CD9: variants seen among roughly 807,000 people sequenced by gnomAD.
CD9 encodes CD9 molecule, also known as CD9 antigen.
Under a neutral mutation model 31.4 loss-of-function variants are expected in CD9, and 10 were observed. That is an observed-to-expected ratio of 0.32 (90% CI 0.20 to 0.54). CD9 has a LOEUF of 0.54. Ranked by LOEUF, CD9 falls within the 20% of genes least tolerant of loss-of-function variation. The probability of loss-of-function intolerance (pLI) is 0.94; values close to 1 mark genes in which losing one functional copy is unlikely to be tolerated. For synonymous variants in CD9, 113 were observed against 114.1 expected (o/e 0.99, Z 0.06); for missense variants, 259 against 300.1 (o/e 0.86, Z 1.01).
chr12:6,204,318 C>T (rs946808793), intron 1 of CD9, among the ~76,000 whole-genome samples: 13 of 152,156 alleles, frequency 8.5e-5, no homozygotes, highest in African/African-American at 3.1e-4. Flanking sequence ...TGGTGATGGT[C>T]ACATTAAAAG....
intron 1 of CD9, among the ~76,000 whole-genome samples, chr12:6,224,220 TA>T (rs1946332545): frequency 6.6e-6 from 1 of 152,122 alleles, no homozygotes; most frequent in Admixed American, 6.5e-5. Context: ...TAGCCATACC[TA>T]AAAGGCAGGG....
intron 4 of CD9, among the ~76,000 whole-genome samples, chr12:6,234,153 G>T (rs1946486592): frequency 6.6e-6 from 1 of 151,734 alleles, no homozygotes; most frequent in Non-Finnish European, 1.5e-5. Context: ...GGAGGCAGGG[G>T]ACTTCCAGTC....
chr12:6,229,592 A>C (rs113922334), intron 2 of CD9, among the ~76,000 whole-genome samples: 12 of 152,132 alleles, frequency 7.9e-5, no homozygotes, highest in African/African-American at 2.4e-4. Flanking sequence ...AGTTATTTGG[A>C]TATAATAAAC....
chr12:6,203,949 G>A (rs1946101718), intron 1 of CD9, among the ~76,000 whole-genome samples: 1 of 152,098 alleles, frequency 6.6e-6, no homozygotes, highest in African/African-American at 2.4e-5. Context: ...TGTCTCTCAT[G>A]CCTCGCTCAC....
chr12:6,205,343 C>G (rs1308117071), intron 1 of CD9, among the ~76,000 whole-genome samples: 1 of 152,226 alleles, frequency 6.6e-6, no homozygotes, highest in Non-Finnish European at 1.5e-5. Context: ...CGCTCACACT[C>G]ACGTTCTCTA....
rs563191450 is a variant in CD9 at position 6,219,226 on chromosome 12, A to G, written c.67-6200A>G. Among the ~76,000 whole-genome samples the G allele has an allele frequency of 7.2e-4, 109 of 151,524 alleles. 1 individual carries two copies. Among genetic ancestry groups the G allele is most frequent in the African/African-American group, 2.4e-3 (100 of 41,312 alleles). ...TCACCATGTTGGCCAGGCTGGTCTCAAACTCCTGACCTCAAGTGATCCGCC... is the reference window on the plus strand; with the variant it reads ...TCACCATGTTGGCCAGGCTGGTCTCGAACTCCTGACCTCAAGTGATCCGCC... On this transcript the variant is annotated intron_variant, in intron 1 of 7. Coordinates refer to ENST00000009180, the MANE Select transcript of CD9 (RefSeq NM_001769.4).
rs1946355882 is a variant in CD9, at chr12:6,225,669, C to G, written c.175+135C>G. 4.9e-6 allele frequency: 3 copies of G among 612,488 alleles called. No individual in the cohort carries two copies. The South Asian group carries it at 5.8e-5, about 12-fold the overall frequency. 37.9% of individuals were successfully genotyped at this position (612,488 alleles called of 1,614,324 possible). On this transcript the variant is annotated intron_variant, in intron 2 of 7. Transcript: ENST00000009180. The stretch of plus-strand genomic sequence containing the variant: ...CTCTAGCCACGCTGGCCAGTCGTGT[C>G]CCTTTCAAGTTGTGCAGTTTTTGTG...
intron 2 of CD9, among the ~76,000 whole-genome samples, chr12:6,230,927 T>G (rs11568288): frequency 2.5e-3 from 386 of 152,348 alleles, no homozygotes; most frequent in Non-Finnish European, 3.3e-3. Flanking sequence ...AAACGCTCTC[T>G]GTGTGCATTC....
chr12:6,237,814 C>A lies in CD9; in HGVS notation c.673C>A (p.Arg225Ser). ...CTTGTGCTGTGCTATCCGCAGGAAC[C>A]GCGAGATGGTCTAGAGTCAGCTTAC... ...MILCCAIRRNREMV is the reference protein window; with the variant it reads ...MILCCAIRRNSEMV The change falls in exon 8 of 8, where the codon CGC becomes AGC. Residue 225 changes from arginine to serine, a missense_variant. Physicochemically the swap from Arg to Ser is moderately radical, Grantham distance 110 (BLOSUM62 -1). Transcript: ENST00000009180. 6.2e-7 allele frequency: 1 copy of A among 1,612,510 alleles called. No homozygotes were observed. The highest frequency in any genetic ancestry group is 1.1e-5 in the South Asian group (1 of 91,008).
intron 1 of CD9, among the ~76,000 whole-genome samples, chr12:6,211,982 C>T (rs1411846125): frequency 2.0e-5 from 3 of 152,162 alleles, no homozygotes; most frequent in Non-Finnish European, 4.4e-5. Context: ...CTGACTTTGT[C>T]CTTGAAAGGA....
chr12:6,200,496 C>G lies in CD9; in HGVS notation c.-4C>G, dbSNP rs1251935669. The G allele has an allele frequency of 6.2e-7, 1 of 1,609,168 alleles. No homozygotes were observed. Among genetic ancestry groups the G allele is most frequent in the East Asian group, 2.2e-5 (1 of 44,804 alleles). The stretch of plus-strand genomic sequence containing the variant: ...GTTCGGCCCAGGCTAAGTTAGCCCT[C>G]ACCATGCCGGTCAAAGGAGGCACCA... On this transcript the variant is annotated 5_prime_UTR_variant, in exon 1 of 8. Coordinates refer to ENST00000009180, the MANE Select transcript of CD9 (RefSeq NM_001769.4).
chr12:6,224,138 AGGT>A (rs1946331126), intron 1 of CD9, among the ~76,000 whole-genome samples: 1 of 152,112 alleles, frequency 6.6e-6, no homozygotes, highest in South Asian at 2.1e-4. Flanking sequence ...TGGTAAAGTG[AGGT>A]GGTTCTCCCA....
intron 1 of CD9, 135 bp downstream of exon 1, chr12:6,200,700 C>T: frequency 1.8e-6 from 1 of 560,564 alleles, no homozygotes; most frequent in South Asian, 2.4e-5. Context: ...GAGAGAGCGC[C>T]CTGCGGCTGC....
chr12:6,225,330 G>T (rs1243819015), intron 1 of CD9, 96 bp from the exon 2 acceptor site: 1 of 790,176 alleles, frequency 1.3e-6, no homozygotes, highest in East Asian at 2.5e-5. Context: ...ACCAAGGGTG[G>T]TCACAAAGTC....
chr12:6,235,702 C>G, intron 6 of CD9, 137 bp downstream of exon 6: 1 of 1,435,482 alleles, frequency 7.0e-7, no homozygotes, highest in Non-Finnish European at 9.1e-7. Context: ...GCACCCATCT[C>G]TTTCTCTCCC....
chr12:6,225,995 C>T (rs909945382), intron 2 of CD9, among the ~76,000 whole-genome samples: 3 of 152,210 alleles, frequency 2.0e-5, no homozygotes, highest in African/African-American at 7.2e-5. Flanking sequence ...AAACATCAGC[C>T]TCCTGGAAAA....
chr12:6,221,946 G>A (rs1366643278), intron 1 of CD9, among the ~76,000 whole-genome samples: 2 of 152,044 alleles, frequency 1.3e-5, no homozygotes, highest in Non-Finnish European at 2.9e-5. Flanking sequence ...AGTGAGCTAT[G>A]ATTGCACCAC....
At chr12:6,217,817 AC>A (rs1160663443) in intron 1 of CD9, among the ~76,000 whole-genome samples, 1 of 152,210 alleles carries the variant, frequency 6.6e-6, no homozygotes, top group East Asian at 1.9e-4. Flanking sequence ...AGATATGGCC[AC>A]CTCAAGGCCA....
rs1235971579 is a variant in CD9, at chr12:6,227,503, AC to A, written c.175+1970del. Among the ~76,000 whole-genome samples the A allele has an allele frequency of 7.2e-5, 11 of 152,248 alleles. No homozygotes were observed. In the East Asian group the frequency reaches 2.1e-3, roughly 29 times the overall value. On this transcript the variant is annotated intron_variant, in intron 2 of 7. Coordinates refer to ENST00000009180, the MANE Select transcript of CD9 (RefSeq NM_001769.4). The stretch of plus-strand genomic sequence containing the variant: ...GTGAGCCACCTCGCCCGGCTGGAAG[AC>A]ACTAACATTTTTGAGCCCCCTTCTT...
Sources: gnomAD v4.1 joint callset for allele counts (sites outside exome capture counted in the v4.1 genomes callset) on GRCh38, gnomAD v4.1.1 for gene constraint, MANE v1.5 for transcripts, NCBI Gene and HGNC (gene_info 2026-07-23, HGNC 2026-07-21) for gene names.